TMEM165: variants seen among roughly 807,000 people sequenced by gnomAD.
TMEM165 encodes putative divalent cation/proton antiporter TMEM165.
Under a neutral mutation model 30.0 loss-of-function variants are expected in TMEM165, and 19 were observed. That is an observed-to-expected ratio of 0.63 (90% CI 0.44 to 0.93). The LOEUF is 0.93. Among genes scored for constraint, TMEM165 ranks in the 40% least tolerant of loss-of-function variants. The pLI is 0.00. For missense variants in TMEM165, 340 were observed against 417.0 expected (o/e 0.82, Z 1.61); for synonymous variants, 168 against 162.9 (o/e 1.03, Z -0.24).
chr4:55,400,449 T>C (rs1400474840), intron 1 of TMEM165, among the ~76,000 whole-genome samples: 2 of 136,362 alleles, frequency 1.5e-5, no homozygotes, highest in South Asian at 2.2e-4. Flanking sequence ...ATATATAATA[T>C]ATATATATTT....
At chr4:55,399,828 G>A (rs1052946736) in intron 1 of TMEM165, among the ~76,000 whole-genome samples, 1 of 151,996 alleles carries the variant, frequency 6.6e-6, no homozygotes, top group Non-Finnish European at 1.5e-5. Flanking sequence ...AGCCTTCTGA[G>A]TAGCTGGGAA....
rs1285825827 is a variant in TMEM165, at chr4:55,449,484, T to C, written c.409-2755T>C. ...TGGAGTGCTCGTATCCGTCGGGATC[T>C]TGGTTGGTGTTGCTGAAGTCAACAA... On this transcript the variant is annotated intron_variant, in intron 3 of 3. Coordinates refer to the TMEM165 transcript ENST00000608091. 2.5e-6 allele frequency: 4 copies of C among 1,613,896 alleles called. No individual in the cohort carries two copies. The Admixed American group carries it at 5.0e-5, about 20-fold the overall frequency.
chr4:55,412,308 C>G (rs547448493), intron 2 of TMEM165, among the ~76,000 whole-genome samples: 1 of 137,924 alleles, frequency 7.3e-6, no homozygotes, highest in Admixed American at 8.3e-5. Flanking sequence ...GCAGGAGAAT[C>G]GCTTGAACCC....
At chr4:55,402,795 C>CTTTATTTTTTTTTTT (rs1721080851) in intron 1 of TMEM165, among the ~76,000 whole-genome samples, 1 of 71,400 alleles carries the variant, frequency 1.4e-5, no homozygotes, top group African/African-American at 6.3e-5. Context: ...TTAAAAAAAG[C>CTTTATTTTTTTTTTT]TTTTTTTTTT....
At chr4:55,450,932 AGT>A (rs755401902) in intron 3 of TMEM165, among the ~76,000 whole-genome samples, 1 of 151,982 alleles carries the variant, frequency 6.6e-6, no homozygotes, top group Non-Finnish European at 1.5e-5. Context: ...CAGGAGCTAG[AGT>A]TTCATAGTTT....
rs559929882 is a variant in TMEM165 at position 55,417,115 on chromosome 4, A to T, written c.477A>T (p.Thr159=). The T allele has an allele frequency of 1.2e-6, 2 of 1,613,794 alleles. No individual in the cohort carries two copies. Among genetic ancestry groups the T allele is most frequent in the African/African-American group, 2.7e-5 (2 of 74,896 alleles). Reference sequence around the variant, plus strand: ...CCACAGTCATCCCCAGGGTCTATACATACTATGTTTCAACTGTATTATTTG... The same window carrying T: ...CCACAGTCATCCCCAGGGTCTATACTTACTATGTTTCAACTGTATTATTTG... The part of the protein sequence containing the change: ...YATTVIPRVY[T]YYVSTVLFAI... Residue 159 remains threonine, a synonymous_variant, in exon 3 of 6, where the codon ACA becomes ACT. Transcript: ENST00000381334.
chr4:55,436,892 CTTTTTTT>C (rs35888413), intron 3 of TMEM165, among the ~76,000 whole-genome samples: 2 of 98,356 alleles, frequency 2.0e-5, no homozygotes, highest in Non-Finnish European at 4.0e-5. Flanking sequence ...TTTGGGATGC[CTTTTTTT>C]TTTTTTTTTT....
At chr4:55,448,609 T>C (rs879330550) in intron 3 of TMEM165, among the ~76,000 whole-genome samples, 1,654 of 61,562 alleles carry the variant, frequency 0.027, 19 homozygotes, top group Middle Eastern at 0.077. Flanking sequence ...CGCGTGTGTG[T>C]GTGTGTGTGT....
chr4:55,416,715 T>C (rs1721744158), intron 2 of TMEM165, among the ~76,000 whole-genome samples: 1 of 152,188 alleles, frequency 6.6e-6, no homozygotes, highest in Non-Finnish European at 1.5e-5. Flanking sequence ...TGAGAGGGCC[T>C]CAGAGCTAAC....
chr4:55,426,258 AAATATTT>A (rs1722196282), downstream of TMEM165: 1 of 152,216 alleles, frequency 6.6e-6, no homozygotes, highest in Admixed American at 6.5e-5. Context: ...CTAACATATT[AAATATTT>A]GAGATATGCC....
At chr4:55,401,144 A>G (rs1001154426) in intron 1 of TMEM165, among the ~76,000 whole-genome samples, 1 of 148,502 alleles carries the variant, frequency 6.7e-6, no homozygotes, top group African/African-American at 2.5e-5. Flanking sequence ...ATAGGATGCT[A>G]AAAGCAAGGT....
chr4:55,427,072 C>A (rs561870882), downstream of TMEM165, among the ~76,000 whole-genome samples: 1 of 143,928 alleles, frequency 6.9e-6, no homozygotes, highest in African/African-American at 2.6e-5. Context: ...CTCACTCTGT[C>A]GCCCAGGCTG....
intron 1 of TMEM165, among the ~76,000 whole-genome samples, chr4:55,407,382 G>A (rs144957308): frequency 9.2e-5 from 14 of 152,140 alleles, no homozygotes; most frequent in African/African-American, 2.9e-4. Flanking sequence ...TGAGGTGTGC[G>A]GTGAGTAAAT....
chr4:55,396,448 T>C, intron 1 of TMEM165, 52 bp downstream of exon 1: 1 of 1,351,134 alleles, frequency 7.4e-7, no homozygotes, highest in Non-Finnish European at 9.5e-7. Flanking sequence ...CTGCGCCGAG[T>C]ACCAGGCTCC....
intron 3 of TMEM165, chr4:55,432,697 G>C (rs1352837798): frequency 6.6e-6 from 1 of 152,036 alleles, no homozygotes; most frequent in African/African-American, 2.4e-5. Context: ...CAAAGAGGCA[G>C]CTGGTGCTTA....
chr4:55,420,106 A>AAAAAAAAAAAAAAAAAAAT (rs1474254120), intron 4 of TMEM165, among the ~76,000 whole-genome samples: 1 of 45,448 alleles, frequency 2.2e-5, no homozygotes, highest in African/African-American at 8.2e-5. Context: ...AAGAAAAAAA[A>AAAAAAAAAAAAAAAAAAAT]ATATATATAT....
intron 1 of TMEM165, among the ~76,000 whole-genome samples, chr4:55,406,325 A>G (rs1272799905): frequency 6.6e-6 from 1 of 152,210 alleles, no homozygotes; most frequent in Non-Finnish European, 1.5e-5. Context: ...AAATTCCAGA[A>G]GATACAGAAG....
rs991374625 is a variant in TMEM165, at chr4:55,396,182, C to A, written c.-8C>A. The stretch of plus-strand genomic sequence containing the variant: ...CGGCGCCCGTGCGCGGCCGGCCCGG[C>A]AGGCGGGATGGCGGCCGCGGCTCCA... On this transcript the variant is annotated 5_prime_UTR_variant, in exon 1 of 6. Transcript: ENST00000381334. The A allele has an allele frequency of 7.2e-7, 1 of 1,386,964 alleles. No individual in the cohort carries two copies. The highest frequency in any genetic ancestry group is 9.3e-7 in the Non-Finnish European group (1 of 1,080,016). 85.9% of individuals were successfully genotyped at this position (1,386,964 alleles called of 1,614,324 possible). A position where few individuals can be genotyped will look rare whatever the true frequency, so the allele number is the denominator to read the frequency against.
chr4:55,435,471 G>A (rs1213885514), intron 3 of TMEM165: 1 of 1,614,058 alleles, frequency 6.2e-7, no homozygotes, highest in South Asian at 1.1e-5. Flanking sequence ...TGCCGGCTGA[G>A]TTGCTGCTGT....
Sources: allele counts gnomAD v4.1 joint callset (sites outside exome capture counted in the v4.1 genomes callset), GRCh38; gene constraint gnomAD v4.1.1; transcripts MANE v1.5; gene names NCBI Gene and HGNC (gene_info 2026-07-23, HGNC 2026-07-21).